Variants in SEC14L6 observed in about 807,000 individuals in gnomAD.
SEC14L6 encodes SEC14-like protein 6.
A neutral mutation model predicts 54.1 loss-of-function variants in SEC14L6; 40 were observed. The ratio of observed to expected loss-of-function variants is 0.74; its 90% CI spans 0.57 to 0.96. The LOEUF is 0.96. Among genes scored for constraint, SEC14L6 ranks in the 40% least tolerant of loss-of-function variants. SEC14L6 has a pLI of 0.00. For missense variants in SEC14L6, 471 were observed against 498.3 expected (o/e 0.95, Z 0.52); for synonymous variants, 171 against 198.4 (o/e 0.86, Z 1.16).
chr22:30,538,968 G>T, intron 1 of SEC14L6, 66 bp from the exon 2 acceptor site: 1 of 1,128,992 alleles, frequency 8.9e-7, no homozygotes, highest in Non-Finnish European at 1.3e-6. Context: ...GGTCTCAACT[G>T]TCCTTGAGGA....
rs1425549535 is a variant in SEC14L6, at chr22:30,523,430, C to CTG, written c.*1565_*1566dup. 1 of 152,218 alleles carries CTG rather than the reference C, an allele frequency of 6.6e-6. No homozygotes were observed. Among genetic ancestry groups the CTG allele is most frequent in the Non-Finnish European group, 1.5e-5 (1 of 68,066 alleles). The allele number at this position is 152,218 out of a possible 1,614,324, so 9.4% of individuals were successfully genotyped here. On this transcript the variant is annotated 3_prime_UTR_variant, in exon 12 of 12. Coordinates refer to ENST00000402034, the MANE Select transcript of SEC14L6 (RefSeq NM_001193336.4). ...AGTGCAGTGGTGCAATCTCAACTCA[C>CTG]TGCAACCTCCGCCTCCTGGGTTCCA...
chr22:30,526,006 G>A (rs1295775461), intron 8 of SEC14L6, 74 bp from the exon 9 acceptor site: 63 of 1,526,468 alleles, frequency 4.1e-5, no homozygotes, highest in Non-Finnish European at 5.4e-5. Flanking sequence ...CTGAGCCCAG[G>A]TCTGTCCTTT....
rs961447871 is a variant in SEC14L6, at chr22:30,534,015, G to A, written c.155C>T (p.Ser52Leu). The A allele has an allele frequency of 6.4e-7, 1 of 1,550,896 alleles. No individual in the cohort carries two copies. The highest frequency in any genetic ancestry group is 2.4e-5 in the East Asian group (1 of 40,920). The stretch of plus-strand genomic sequence containing the variant: ...CCTCACCTTCCTCAGCATGTCCTCT[G>A]ATTTCTGCAGGTCAAAGCTCCGAGC... ...LQARSFDLQK[S>L]EDMLRKHMEF... is the part of the protein sequence containing the mutation. Residue 52 changes from serine to leucine, a missense_variant, in exon 3 of 12, where the codon TCA becomes TTA. By Grantham distance (145) the Ser-to-Leu change is moderately radical. Coordinates refer to ENST00000402034, the MANE Select transcript of SEC14L6 (RefSeq NM_001193336.4).
Position 30,532,637 on chromosome 22 carries a change from C to T in SEC14L6, c.311G>A (p.Gly104Glu). The T allele has an allele frequency of 6.4e-7, 1 of 1,550,768 alleles. No individual in the cohort carries two copies. The part of the protein sequence containing the change: ...EGSPVWYHIV[G>E]SLDPKGLLLS... ...CAAGAGGCCTTTGGGGTCCAGGCTT[C>T]CCACAATGTGGTACCAGACAGGGCT... Residue 104 changes from glycine (G) to glutamate (E), a missense_variant, in exon 5 of 12, where the codon GGA becomes GAA. Transcript: ENST00000402034.
chr22:30,531,914 G>C lies in SEC14L6; in HGVS notation c.508C>G (p.Leu170Val). 6.4e-7 allele frequency: 1 copy of C among 1,550,582 alleles called. No individual in the cohort carries two copies. Among genetic ancestry groups the C allele is most frequent in the South Asian group, 1.2e-5 (1 of 84,052 alleles). Reference sequence around the variant, plus strand: ...CGGGGTCACCTCACCTCCTGGAGAAGCTCTATTCCTGGCTTCCACAGATCC... The same window carrying C: ...CGGGGTCACCTCACCTCCTGGAGAACCTCTATTCCTGGCTTCCACAGATCC... Reference protein sequence around the residue: ...LRDLWKPGIELLQEFFSALEA... With the variant: ...LRDLWKPGIEVLQEFFSALEA... Residue 170 changes from leucine to valine, a missense_variant, in exon 6 of 12, where the codon CTT becomes GTT. Physicochemically the swap from Leu to Val is conservative, Grantham distance 32. Coordinates refer to ENST00000402034, the MANE Select transcript of SEC14L6 (RefSeq NM_001193336.4).
rs144768609 is a variant in SEC14L6, at chr22:30,539,869, C to T, written c.55-967G>A. 4.2e-3 allele frequency among the ~76,000 whole-genome samples: 645 copies of T among 152,266 alleles called. 4 individuals are homozygous for T. The highest frequency in any genetic ancestry group is 5.4e-3 in the Non-Finnish European group (368 of 68,024). ...GAGTTGGTTAGGACAGTTCAGCTGG[C>T]CCTGGGCCCACCCTGCAGGGTCTGA... On this transcript the variant is annotated intron_variant, in intron 1 of 11. Transcript: ENST00000402034.
chr22:30,539,010 G>A (rs138059775), intron 1 of SEC14L6, 108 bp from the exon 2 acceptor site: 39 of 727,586 alleles, frequency 5.4e-5, no homozygotes, highest in Admixed American at 2.3e-4. Context: ...GTCCCACTCG[G>A]GCTGGGAGGA....
At chr22:30,542,057 C>A (rs2085726489) in intron 1 of SEC14L6, among the ~76,000 whole-genome samples, 1 of 152,186 alleles carries the variant, frequency 6.6e-6, no homozygotes, top group Admixed American at 6.5e-5. Flanking sequence ...AAGGGCAGGC[C>A]GGTGGGCGGG....
chr22:30,542,234 C>A (rs2085731494), intron 1 of SEC14L6, among the ~76,000 whole-genome samples: 3 of 152,200 alleles, frequency 2.0e-5, no homozygotes, highest in Admixed American at 6.5e-5. Context: ...CACCCACCCC[C>A]AAGAGGGGCC....
chr22:30,541,998 G>C (rs553552732), intron 1 of SEC14L6, among the ~76,000 whole-genome samples: 73 of 152,300 alleles, frequency 4.8e-4, no homozygotes, highest in Non-Finnish European at 8.1e-4. Flanking sequence ...ACCAAGAACA[G>C]GCACAGGAGA....
chr22:30,543,479 A>C (rs904936790), intron 1 of SEC14L6: 1 of 1,612,566 alleles, frequency 6.2e-7, no homozygotes, highest in Non-Finnish European at 8.5e-7. Flanking sequence ...ACTCTTACAG[A>C]GAACAAGGAT....
At chr22:30,526,349 C>A (rs1372937701) in intron 8 of SEC14L6, among the ~76,000 whole-genome samples, 2 of 152,212 alleles carry the variant, frequency 1.3e-5, no homozygotes, top group African/African-American at 2.4e-5. Context: ...GCCCTCAGCT[C>A]CCAGGGCTCC....
rs148258791 is a variant in SEC14L6 at position 30,544,756 on chromosome 22, G to A, written c.54+1873C>T. On this transcript the variant is annotated intron_variant, in intron 1 of 11. Coordinates refer to ENST00000402034, the MANE Select transcript of SEC14L6 (RefSeq NM_001193336.4). ...GGGGCCCAACTGTGTTGCTCCACCC[G>A]GACGCATCTCTCCCTTCTAGACCTG... is the stretch of plus-strand genomic sequence containing the variant. Among the ~76,000 whole-genome samples the A allele has an allele frequency of 7.2e-5, 11 of 152,104 alleles. No homozygotes were observed. The East Asian group carries it at 1.5e-3, about 21-fold the overall frequency.
chr22:30,525,311 C>G, intron 11 of SEC14L6, 39 bp downstream of exon 11: 1 of 1,602,260 alleles, frequency 6.2e-7, no homozygotes, highest in Non-Finnish European at 8.5e-7. Context: ...CTCCCCCTAG[C>G]CCCCAGCTCC....
intron 8 of SEC14L6, among the ~76,000 whole-genome samples, chr22:30,526,499 G>A (rs1353469900): frequency 5.3e-5 from 8 of 152,288 alleles, no homozygotes; most frequent in African/African-American, 1.7e-4. Context: ...CAGTACCCTC[G>A]GAGAGAGAAG....
intron 1 of SEC14L6, among the ~76,000 whole-genome samples, chr22:30,541,622 C>T (rs1248603744): frequency 1.3e-5 from 2 of 151,932 alleles, no homozygotes; most frequent in East Asian, 1.9e-4. Context: ...CACATCACTG[C>T]ACTCCAGCCT....
At chr22:30,532,926 ACCAGGC>A in intron 3 of SEC14L6, 70 bp from the exon 4 acceptor site, 2 of 1,576,838 alleles carry the variant, frequency 1.3e-6, no homozygotes, top group South Asian at 2.3e-5. Flanking sequence ...ACCTGGGGAC[ACCAGGC>A]CAGGTCCCTC....
intron 1 of SEC14L6, chr22:30,542,937 G>T: frequency 6.2e-7 from 1 of 1,601,440 alleles, no homozygotes; most frequent in South Asian, 1.1e-5. Context: ...ACTACTGTGT[G>T]AAGTTCCAGA....
intron 1 of SEC14L6, among the ~76,000 whole-genome samples, chr22:30,541,854 T>G (rs1449294482): frequency 1.3e-5 from 2 of 152,064 alleles, no homozygotes; most frequent in African/African-American, 4.8e-5. Context: ...ATAAATAAAT[T>G]TCCTGTTCAC....
Sources: gnomAD v4.1 joint callset for allele counts (sites outside exome capture counted in the v4.1 genomes callset) on GRCh38, gnomAD v4.1.1 for gene constraint, MANE v1.5 for transcripts, NCBI Gene and HGNC (gene_info 2026-07-23, HGNC 2026-07-21) for gene names.